The following LHFPL3 variants were observed in gnomAD, a reference collection of about 807,000 sequenced individuals.
LHFPL3 encodes LHFPL tetraspan subfamily member 3 protein.
A neutral mutation model predicts 19.3 loss-of-function variants in LHFPL3; 5 were observed. That is an observed-to-expected ratio of 0.26 (90% confidence interval 0.14 to 0.54). LHFPL3 has a LOEUF of 0.54. Among genes scored for constraint, LHFPL3 ranks in the 20% least tolerant of loss-of-function variants. The probability of loss-of-function intolerance (pLI) is 0.94; values close to 1 mark genes in which losing one functional copy is unlikely to be tolerated. For missense variants in LHFPL3, 249 were observed against 307.4 expected (o/e 0.81, Z 1.42); for synonymous variants, 133 against 126.2 (o/e 1.05, Z -0.36).
At chr7:104,873,596 C>G (rs1791876749) in intron 2 of LHFPL3, among the ~76,000 whole-genome samples, 1 of 152,082 alleles carries the variant, frequency 6.6e-6, no homozygotes, top group Admixed American at 6.6e-5. Context: ...TCGCTGCACT[C>G]CAGCCTGGGT....
In LHFPL3 at chr7:104,907,950, C is replaced by A. The variant is rs1792651660; in HGVS notation, c.*1735C>A. ...TCTAAAGAACCAAATTAAGGGAATACTTAGTATCTACAACTAAAGTATTAG... is the reference window on the plus strand; with the variant it reads ...TCTAAAGAACCAAATTAAGGGAATAATTAGTATCTACAACTAAAGTATTAG... On this transcript the variant is annotated 3_prime_UTR_variant, in exon 3 of 3. Coordinates refer to ENST00000424859, the MANE Select transcript of LHFPL3 (RefSeq NM_199000.3). Among the ~76,000 whole-genome samples the A allele has an allele frequency of 6.6e-6, 1 of 152,174 alleles. No homozygotes were observed. Among genetic ancestry groups the A allele is most frequent in the South Asian group, 2.1e-4 (1 of 4,822 alleles).
intron 1 of LHFPL3, among the ~76,000 whole-genome samples, chr7:104,584,167 A>G (rs181438414): frequency 1.0e-3 from 152 of 152,296 alleles, no homozygotes; most frequent in African/African-American, 3.5e-3. Flanking sequence ...AGGGACATGG[A>G]TGAAGCTGGA....
chr7:104,358,080 C>T (rs1790318346), intron 1 of LHFPL3, among the ~76,000 whole-genome samples: 1 of 152,136 alleles, frequency 6.6e-6, no homozygotes. Flanking sequence ...CAAAAGGCCA[C>T]ATAGCATATG....
intron 2 of LHFPL3, among the ~76,000 whole-genome samples, chr7:104,773,798 A>G (rs562017969): frequency 3.7e-4 from 57 of 152,272 alleles, no homozygotes; most frequent in Non-Finnish European, 6.2e-4. Context: ...TTGCCAGCAA[A>G]CCACCAGAAG....
chr7:104,426,360 G>A (rs1320876236), intron 1 of LHFPL3, among the ~76,000 whole-genome samples: 2 of 152,084 alleles, frequency 1.3e-5, no homozygotes, highest in African/African-American at 4.8e-5. Context: ...AGATTCAAGC[G>A]ATTCTCCTGC....
At chr7:104,762,369 G>C (rs1273656030) in intron 2 of LHFPL3, among the ~76,000 whole-genome samples, 1 of 152,210 alleles carries the variant, frequency 6.6e-6, no homozygotes, top group Non-Finnish European at 1.5e-5. Flanking sequence ...ATGAAAGGGT[G>C]GTGTGTGCAA....
intron 1 of LHFPL3, chr7:104,623,059 C>A: frequency 3.1e-6 from 1 of 324,382 alleles, no homozygotes; most frequent in Non-Finnish European, 6.4e-6. Context: ...TTCATGTATT[C>A]ATTATTTCTA....
Position 104,328,726 on chromosome 7 carries a change from G to A in LHFPL3, c.-54G>A. 6.8e-7 allele frequency: 1 copy of A among 1,472,530 alleles called. No individual in the cohort carries two copies. 91.2% of individuals were successfully genotyped at this position (1,472,530 alleles called of 1,614,324 possible). A position where few individuals can be genotyped will look rare whatever the true frequency, so the allele number is the denominator to read the frequency against. On this transcript the variant is annotated 5_prime_UTR_variant, in exon 1 of 3. Coordinates refer to ENST00000424859, the MANE Select transcript of LHFPL3 (RefSeq NM_199000.3). The surrounding 1 kb of genome is among the most constrained non-coding windows in gnomAD (Gnocchi z 4.6). ...TGAGTGTGTCTCCTGCGCGCTGAGA[G>A]GCGGGGGGAGGCGGAGGACCAGGAG...
rs1792663070 is a variant in LHFPL3 at position 104,908,519 on chromosome 7, T to TA, written c.*2311dup. ...ATTTGTTGGAATACCTGAATTTCTG[T>TA]AAAAAAATAAAAATAAAAATAAGAT... On this transcript the variant is annotated 3_prime_UTR_variant, in exon 3 of 3. Coordinates refer to ENST00000424859, the MANE Select transcript of LHFPL3 (RefSeq NM_199000.3). Among the ~76,000 whole-genome samples, 2 of 152,164 alleles carry TA rather than the reference T, an allele frequency of 1.3e-5. No homozygotes were observed. Among genetic ancestry groups the TA allele is most frequent in the Admixed American group, 6.6e-5 (1 of 15,266 alleles).
chr7:104,471,935 C>T (rs905405347), intron 1 of LHFPL3, among the ~76,000 whole-genome samples: 72 of 152,244 alleles, frequency 4.7e-4, no homozygotes, highest in African/African-American at 1.7e-3. Context: ...CCCAGCACTT[C>T]AGGAGGCCGA....
chr7:104,769,690 A>T (rs545717678), intron 2 of LHFPL3, among the ~76,000 whole-genome samples: 2 of 149,124 alleles, frequency 1.3e-5, no homozygotes, highest in South Asian at 4.2e-4. Context: ...ACTCCCACTT[A>T]TGAGTGAGAA....
chr7:104,532,991 A>C (rs1162460504), intron 1 of LHFPL3, among the ~76,000 whole-genome samples: 1 of 152,218 alleles, frequency 6.6e-6, no homozygotes, highest in Non-Finnish European at 1.5e-5. Flanking sequence ...TCACCTTCCC[A>C]GAATTCTTCC....
rs1302644012 is a variant in LHFPL3, at chr7:104,859,810, C to A, written c.683-46377C>A. On this transcript the variant is annotated intron_variant, in intron 2 of 2. Coordinates refer to ENST00000424859, the MANE Select transcript of LHFPL3 (RefSeq NM_199000.3). ...GTATAAATCCATAGAATGTATAATA[C>A]TAAAAGTGTACTCTAATGTGGACTA... is the stretch of plus-strand genomic sequence containing the variant. 2.0e-5 allele frequency among the ~76,000 whole-genome samples: 3 copies of A among 152,094 alleles called. No homozygotes were observed. The South Asian group carries it at 6.2e-4, about 32-fold the overall frequency.
intron 2 of LHFPL3, among the ~76,000 whole-genome samples, chr7:104,847,323 G>A (rs73417667): frequency 6.6e-6 from 1 of 152,164 alleles, no homozygotes. Context: ...AGTCTCTGAG[G>A]CAGTCAGAGA....
chr7:104,536,015 AC>A (rs1348234279), intron 1 of LHFPL3, among the ~76,000 whole-genome samples: 2 of 152,144 alleles, frequency 1.3e-5, no homozygotes, highest in African/African-American at 2.4e-5. Flanking sequence ...CTACAGCACC[AC>A]GGGAGGAAGC....
chr7:104,451,943 G>C (rs537992006), intron 1 of LHFPL3, among the ~76,000 whole-genome samples: 1 of 151,772 alleles, frequency 6.6e-6, no homozygotes. Flanking sequence ...ACGGGGTTTC[G>C]CCATGTTGGC....
At chr7:104,519,571 A>AT (rs1794001937) in intron 1 of LHFPL3, among the ~76,000 whole-genome samples, 1 of 152,120 alleles carries the variant, frequency 6.6e-6, no homozygotes, top group African/African-American at 2.4e-5. Flanking sequence ...GAAGCTGATC[A>AT]TTTGCATTTG....
chr7:104,698,612 A>G (rs1584486151), intron 1 of LHFPL3, among the ~76,000 whole-genome samples: 1 of 152,348 alleles, frequency 6.6e-6, no homozygotes. Flanking sequence ...AAACCTGTAC[A>G]TGGATGTTTA....
At chr7:104,625,780 AT>A (rs1791532609) in intron 1 of LHFPL3, among the ~76,000 whole-genome samples, 1 of 152,120 alleles carries the variant, frequency 6.6e-6, no homozygotes, top group Non-Finnish European at 1.5e-5. Flanking sequence ...ATTTTTACGA[AT>A]TTTTTAACTC....
Sources: gnomAD v4.1 joint callset for allele counts (sites outside exome capture counted in the v4.1 genomes callset) on GRCh38, gnomAD v4.1.1 for gene constraint, Gnocchi (gnomAD v3.1) non-coding constraint, MANE v1.5 for transcripts, NCBI Gene and HGNC (gene_info 2026-07-23, HGNC 2026-07-21) for gene names.